Variants in NCAM1 observed in about 807,000 individuals in gnomAD.
The protein encoded by NCAM1 is neural cell adhesion molecule 1, also known as antigen recognized by monoclonal antibody 5.1H11.
In NCAM1, 14 loss-of-function variants were observed where a neutral mutation model predicts 109.8. The observed-to-expected ratio is 0.13, with a 90% CI of 0.08 to 0.20. The LOEUF (loss-of-function observed/expected upper bound fraction) is 0.20, where lower values mean the gene tolerates loss of function less well. NCAM1 is among the 10% of genes least tolerant of loss of function. The probability of loss-of-function intolerance (pLI) is 1.00; values close to 1 mark genes in which losing one functional copy is unlikely to be tolerated. For synonymous variants in NCAM1, 418 were observed against 442.9 expected (o/e 0.94, Z 0.70); for missense variants, 774 against 1,109.9 (o/e 0.70, Z 4.30).
rs1946386070 is a variant in NCAM1, at chr11:113,275,528, C to T, written c.*141C>T. On this transcript the variant is annotated 3_prime_UTR_variant, in exon 20 of 20. Transcript: ENST00000316851. ...CACACACATCTCATTTCTCTAGTGT[C>T]TTTTGCCTTTAAAAAAAACTAAACA... 1 of 1,097,566 alleles carries T rather than the reference C, an allele frequency of 9.1e-7. No individual in the cohort carries two copies. Among genetic ancestry groups the T allele is most frequent in the Non-Finnish European group, 1.3e-6 (1 of 796,890 alleles). 68.0% of individuals were successfully genotyped at this position (1,097,566 alleles called of 1,614,324 possible). A position where few individuals can be genotyped will look rare whatever the true frequency, so the allele number is the denominator to read the frequency against.
chr11:113,107,823 C>A (rs782151005), intron 1 of NCAM1, among the ~76,000 whole-genome samples: 2 of 152,156 alleles, frequency 1.3e-5, no homozygotes, highest in Non-Finnish European at 2.9e-5. Flanking sequence ...GACCAAATGG[C>A]ATAAATTAAG....
chr11:113,106,944 C>T (rs1379617824), intron 1 of NCAM1, among the ~76,000 whole-genome samples: 2 of 152,124 alleles, frequency 1.3e-5, no homozygotes, highest in South Asian at 2.1e-4. Context: ...CTCTCCTCCT[C>T]GATTTTCTAA....
chr11:113,256,580 C>T (rs1334618613), intron 16 of NCAM1, among the ~76,000 whole-genome samples: 2 of 152,180 alleles, frequency 1.3e-5, no homozygotes, highest in African/African-American at 4.8e-5. Context: ...TGCCTAAGGT[C>T]CTCAAACAAT....
intron 9 of NCAM1, among the ~76,000 whole-genome samples, chr11:113,223,146 TCTC>T (rs2137114734): frequency 6.6e-6 from 1 of 152,336 alleles, no homozygotes; most frequent in East Asian, 1.9e-4. Context: ...CCAGAGCTCA[TCTC>T]CTCCTTCTGC....
At chr11:113,049,337 T>C (rs1198828688) in intron 1 of NCAM1, among the ~76,000 whole-genome samples, 1 of 152,242 alleles carries the variant, frequency 6.6e-6, no homozygotes, top group Non-Finnish European at 1.5e-5. Context: ...ATCCTGATCT[T>C]AGGTAATTTC....
Position 113,004,501 on chromosome 11 carries a change from A to AT in NCAM1, c.52+42849dup, listed in dbSNP as rs1555073000. 1.8e-3 allele frequency among the ~76,000 whole-genome samples: 261 copies of AT among 147,092 alleles called. 1 individual carries two copies. Among genetic ancestry groups the AT allele is most frequent in the African/African-American group, 5.0e-3 (201 of 40,178 alleles). On this transcript the variant is annotated intron_variant, in intron 1 of 19. Transcript: ENST00000316851. ...AGCAAGATTTCATCTCAAAAAAAAA[A>AT]TTTTTTTTTTTTGCCAGGATGAGGA... is the stretch of plus-strand genomic sequence containing the variant.
chr11:113,205,775 G>A (rs550834882), intron 4 of NCAM1, 109 bp downstream of exon 4: 31 of 1,418,428 alleles, frequency 2.2e-5, no homozygotes, highest in South Asian at 6.9e-5. Context: ...ATGTGTGCCC[G>A]AACCCTCATG....
rs1187075319 is a variant in NCAM1, at chr11:113,273,466, C to T, written c.2456+1590C>T. 1.2e-5 allele frequency: 4 copies of T among 335,074 alleles called. No homozygotes were observed. The highest frequency in any genetic ancestry group is 2.2e-5 in the South Asian group (1 of 44,892). The allele number at this position is 335,074 out of a possible 1,614,324, so 20.8% of individuals were successfully genotyped here. A position where few individuals can be genotyped will look rare whatever the true frequency, so the allele number is the denominator to read the frequency against. ...GCTCCCAGCACCAAAGGCCCGGACC[C>T]GGAGCCCACCCAGCCCGGAGCCGCG... On this transcript the variant is annotated intron_variant, in intron 19 of 19. Transcript: ENST00000316851. This position sits in a 1 kb window ranked among gnomAD's most constrained non-coding sequence, Gnocchi z 6.0.
At chr11:113,074,035 G>A (rs1230861294) in intron 1 of NCAM1, among the ~76,000 whole-genome samples, 1 of 152,186 alleles carries the variant, frequency 6.6e-6, no homozygotes, top group Non-Finnish European at 1.5e-5. Flanking sequence ...AAATTTAGAA[G>A]GAGAAACACG....
In NCAM1 at chr11:113,232,783, G is replaced by A. The variant is rs1181875797; in HGVS notation, c.1491G>A (p.Gln497=). 2 of 1,613,942 alleles carry A rather than the reference G, an allele frequency of 1.2e-6. No individual in the cohort carries two copies. The highest frequency in any genetic ancestry group is 8.5e-7 in the Non-Finnish European group (1 of 1,179,852). Residue 497 remains glutamine (Q), a synonymous_variant, in exon 12 of 20, where the codon CAG becomes CAA. Coordinates refer to ENST00000316851, the MANE Select transcript of NCAM1 (RefSeq NM_181351.5). ...YNCTAVNRIG[Q]ESLEFILVQA... is the part of the protein sequence containing the mutation. ...GTACTGCAGTGAACCGCATTGGGCA[G>A]GAGTCCTTGGAATTCATCCTTGTTC...
At chr11:113,141,626 C>CG (rs1246749331) in intron 1 of NCAM1, among the ~76,000 whole-genome samples, 18 of 152,102 alleles carry the variant, frequency 1.2e-4, no homozygotes, top group South Asian at 6.2e-4. Context: ...TCCAGCCTGG[C>CG]GACAGAGGGA....
chr11:113,204,768 C>A (rs1371902505), intron 3 of NCAM1, among the ~76,000 whole-genome samples: 10 of 152,164 alleles, frequency 6.6e-5, no homozygotes, highest in African/African-American at 2.2e-4. Context: ...TTCTCTATCC[C>A]TTCCCCAAAT....
In NCAM1 at chr11:113,209,299, T is replaced by A. The variant is rs188263903; in HGVS notation, c.916+1297T>A. 2.4e-3 allele frequency among the ~76,000 whole-genome samples: 373 copies of A among 152,348 alleles called. 10 individuals carry two copies. The highest frequency in any genetic ancestry group is 0.022 in the South Asian group (106 of 4,828). ...AAAATCAAGACTTTATATGCAAATG[T>A]CCTGCTAGTTATTCAGTAGTAAACA... is the stretch of plus-strand genomic sequence containing the variant. On this transcript the variant is annotated intron_variant, in intron 7 of 19. Coordinates refer to ENST00000316851, the MANE Select transcript of NCAM1 (RefSeq NM_181351.5).
intron 8 of NCAM1, among the ~76,000 whole-genome samples, chr11:113,215,410 T>C (rs1555114247): frequency 6.6e-6 from 1 of 152,224 alleles, no homozygotes; most frequent in Non-Finnish European, 1.5e-5. Flanking sequence ...ATAATGGCCT[T>C]AGCCTTATGG....
chr11:113,256,420 C>T (rs1565533248), intron 16 of NCAM1, among the ~76,000 whole-genome samples: 1 of 152,182 alleles, frequency 6.6e-6, no homozygotes, highest in Non-Finnish European at 1.5e-5. Context: ...GCACAAGAAC[C>T]CTGTACAGTA....
intron 1 of NCAM1, among the ~76,000 whole-genome samples, chr11:113,061,393 A>G (rs2846912): frequency 0.83 from 126,443 of 152,032 alleles, 52,918 homozygotes; most frequent in African/African-American, 0.92. Flanking sequence ...ATTTCTTGCA[A>G]TACCTGCCTC....
intron 1 of NCAM1, among the ~76,000 whole-genome samples, chr11:113,040,033 C>T (rs782103818): frequency 6.6e-6 from 1 of 151,912 alleles, no homozygotes; most frequent in Non-Finnish European, 1.5e-5. Flanking sequence ...CCCAGCTACT[C>T]GGGAGGCTGA....
intron 1 of NCAM1, among the ~76,000 whole-genome samples, chr11:113,017,635 T>TTTTGTGTGTGTGTGTGTGTGTG (rs1555075494): frequency 6.9e-6 from 1 of 145,284 alleles, no homozygotes; most frequent in South Asian, 2.3e-4. Context: ...CAGTACTGTT[T>TTTTGTGTGTGTGTGTGTGTGTG]TGTGTGTGTG....
intron 1 of NCAM1, among the ~76,000 whole-genome samples, chr11:113,033,552 T>A (rs1466423605): frequency 2.0e-5 from 3 of 152,224 alleles, no homozygotes; most frequent in East Asian, 3.8e-4. Context: ...TTTCCTCTAC[T>A]ATGCAAAGAG....
Sources: gnomAD v4.1 joint callset for allele counts (sites outside exome capture counted in the v4.1 genomes callset) on GRCh38, gnomAD v4.1.1 for gene constraint, Gnocchi (gnomAD v3.1) non-coding constraint, MANE v1.5 for transcripts, NCBI Gene and HGNC (gene_info 2026-07-23, HGNC 2026-07-21) for gene names.